Variants in TIGAR observed in about 807,000 individuals in gnomAD.
TIGAR encodes the protein fructose-2,6-bisphosphatase TIGAR.
A neutral mutation model predicts 17.9 loss-of-function variants in TIGAR; 7 were observed. That is an observed-to-expected ratio of 0.39 (90% confidence interval 0.22 to 0.73). The LOEUF (loss-of-function observed/expected upper bound fraction) is 0.73. TIGAR is among the 30% of genes least tolerant of loss of function. The pLI is 0.42. For missense variants in TIGAR, 258 were observed against 327.4 expected (o/e 0.79, Z 1.64); for synonymous variants, 94 against 108.6 (o/e 0.87, Z 0.84).
At chr12:4,333,756 G>T (rs1027459219) in intron 2 of TIGAR, among the ~76,000 whole-genome samples, 6 of 152,072 alleles carry the variant, frequency 3.9e-5, no homozygotes, top group African/African-American at 7.2e-5. Flanking sequence ...TAGCCACCGC[G>T]CCTGGCCTAA....
chr12:4,341,481 G>A (rs762518460), intron 3 of TIGAR, among the ~76,000 whole-genome samples: 7 of 152,156 alleles, frequency 4.6e-5, no homozygotes, highest in Non-Finnish European at 7.3e-5. Flanking sequence ...TAACTGGGAG[G>A]CACCCCCCAG....
In TIGAR at chr12:4,321,723, C is replaced by A. The variant is rs1041808637; in HGVS notation, c.32+420C>A. 3.9e-5 allele frequency among the ~76,000 whole-genome samples: 6 copies of A among 152,144 alleles called. No homozygotes were observed. Among genetic ancestry groups the A allele is most frequent in the African/African-American group, 9.7e-5 (4 of 41,436 alleles). ...GATGTTTTTGATGCCGGCTGCCTTC[C>A]GCTATCCTCTCAGTTTCTGAGGTTC... On this transcript the variant is annotated intron_variant, in intron 1 of 5. Coordinates refer to ENST00000179259, the MANE Select transcript of TIGAR (RefSeq NM_020375.3). This position sits in a 1 kb window ranked among gnomAD's most constrained non-coding sequence, Gnocchi z 5.2.
intron 3 of TIGAR, among the ~76,000 whole-genome samples, chr12:4,340,770 A>G (rs930127731): frequency 1.2e-4 from 18 of 152,252 alleles, no homozygotes; most frequent in Non-Finnish European, 1.8e-4. Context: ...ATTTTTGACA[A>G]AGATGCCAAG....
intron 3 of TIGAR, among the ~76,000 whole-genome samples, chr12:4,342,992 G>A (rs766758825): frequency 2.6e-5 from 4 of 152,062 alleles, no homozygotes; most frequent in East Asian, 1.9e-4. Context: ...CAGGAAATCC[G>A]TCTCACATGC....
chr12:4,345,291 A>G (rs895033732), intron 3 of TIGAR, among the ~76,000 whole-genome samples: 28 of 152,196 alleles, frequency 1.8e-4, no homozygotes, highest in Non-Finnish European at 3.1e-4. Context: ...AAAAGAGCCC[A>G]CATTGCCAAG....
chr12:4,329,041 G>A (rs1864576712), intron 1 of TIGAR, among the ~76,000 whole-genome samples: 1 of 152,080 alleles, frequency 6.6e-6, no homozygotes, highest in Non-Finnish European at 1.5e-5. Context: ...TCTTTGTGCA[G>A]ATCCAGATGT....
At chr12:4,339,750 G>A (rs1469810866) in intron 3 of TIGAR, among the ~76,000 whole-genome samples, 1 of 152,172 alleles carries the variant, frequency 6.6e-6, no homozygotes, top group Admixed American at 6.5e-5. Flanking sequence ...ACATAAACAA[G>A]TGAATCAATG....
At chr12:4,342,259 A>T (rs1864731560) in intron 3 of TIGAR, among the ~76,000 whole-genome samples, 1 of 152,242 alleles carries the variant, frequency 6.6e-6, no homozygotes, top group African/African-American at 2.4e-5. Flanking sequence ...TCTATGTCTG[A>T]TTGGTGTACC....
intron 1 of TIGAR, among the ~76,000 whole-genome samples, chr12:4,322,240 G>A (rs1864489491): frequency 6.6e-6 from 1 of 152,100 alleles, no homozygotes; most frequent in South Asian, 2.1e-4. Context: ...TAAGTGATCC[G>A]ACTACCTCGG....
In TIGAR at chr12:4,354,928, G is replaced by A. The variant is rs1438338970; in HGVS notation, c.*2237G>A. Reference sequence around the variant, plus strand: ...TTTTTTTTAGTAGAGACGGGGTTTCGCCATGTTGGCCAGGCTGGTCTTGAA... The same window carrying A: ...TTTTTTTTAGTAGAGACGGGGTTTCACCATGTTGGCCAGGCTGGTCTTGAA... On this transcript the variant is annotated 3_prime_UTR_variant, in exon 6 of 6. Transcript: ENST00000179259. Among the ~76,000 whole-genome samples, 3 of 147,872 alleles carry A rather than the reference G, an allele frequency of 2.0e-5. No individual in the cohort carries two copies. The highest frequency in any genetic ancestry group is 2.0e-4 in the East Asian group (1 of 5,004).
At chr12:4,323,602 T>C (rs1864505236) in intron 1 of TIGAR, among the ~76,000 whole-genome samples, 1 of 152,180 alleles carries the variant, frequency 6.6e-6, no homozygotes, top group South Asian at 2.1e-4. Context: ...ACATGGCAAG[T>C]TGAGGAAGTA....
At chr12:4,326,940 T>G (rs1178692133) in intron 1 of TIGAR, among the ~76,000 whole-genome samples, 1 of 152,184 alleles carries the variant, frequency 6.6e-6, no homozygotes, top group Non-Finnish European at 1.5e-5. Context: ...TGAGGGTGCT[T>G]CTTTGGCTTT....
chr12:4,342,914 A>C (rs562790686), intron 3 of TIGAR, among the ~76,000 whole-genome samples: 2 of 152,362 alleles, frequency 1.3e-5, no homozygotes, highest in South Asian at 2.1e-4. Flanking sequence ...AATGGGCTAA[A>C]TGTTCCAATT....
intron 1 of TIGAR, chr12:4,324,718 T>C: frequency 1.4e-6 from 1 of 722,092 alleles, no homozygotes; most frequent in Non-Finnish European, 2.2e-6. Context: ...CGTCAGCTGC[T>C]CGCAGGACAC....
Position 4,355,038 on chromosome 12 carries a change from C to T in TIGAR, c.*2347C>T, listed in dbSNP as rs1369519236. Among the ~76,000 whole-genome samples the T allele has an allele frequency of 2.0e-5, 3 of 151,880 alleles. No homozygotes were observed. Among genetic ancestry groups the T allele is most frequent in the East Asian group, 1.9e-4 (1 of 5,170 alleles). On this transcript the variant is annotated 3_prime_UTR_variant, in exon 6 of 6. Transcript: ENST00000179259. ...AAGCCACCGTGCCTGGCCTATGATG[C>T]ATTTTTTTAATATGTGTTCTTAATT...
chr12:4,336,910 C>A (rs749947980), intron 2 of TIGAR, 129 bp from the exon 3 acceptor site: 3 of 1,082,440 alleles, frequency 2.8e-6, no homozygotes, highest in Non-Finnish European at 3.7e-6. Flanking sequence ...TGAAAAGTTA[C>A]GTGGAAGAGT....
chr12:4,333,910 C>T (rs1273796493), intron 2 of TIGAR, among the ~76,000 whole-genome samples: 1 of 152,046 alleles, frequency 6.6e-6, no homozygotes, highest in Admixed American at 6.5e-5. Context: ...TAGAATCTGT[C>T]TTTTAACTGG....
At chr12:4,331,227 C>T in intron 1 of TIGAR, 53 bp from the exon 2 acceptor site, 1 of 1,525,282 alleles carries the variant, frequency 6.6e-7, no homozygotes, top group Non-Finnish European at 9.1e-7. Flanking sequence ...TTTTCCTCCT[C>T]TCAAAAACAG....
At chr12:4,324,734 GTC>G (rs1864522750) in intron 1 of TIGAR, 9 of 753,206 alleles carry the variant, frequency 1.2e-5, no homozygotes, top group African/African-American at 1.0e-4. Flanking sequence ...GACACGTCCC[GTC>G]CCGCAGCTGG....
Sources: allele counts gnomAD v4.1 joint callset (sites outside exome capture counted in the v4.1 genomes callset), GRCh38; gene constraint gnomAD v4.1.1; non-coding constraint Gnocchi (gnomAD v3.1); transcripts MANE v1.5; gene names NCBI Gene and HGNC (gene_info 2026-07-23, HGNC 2026-07-21).